TMEM132D: variants seen among roughly 807,000 people sequenced by gnomAD.
TMEM132D encodes mature OL transmembrane protein.
A neutral mutation model predicts 62.3 loss-of-function variants in TMEM132D; 21 were observed. The ratio of observed to expected loss-of-function variants is 0.34; its 90% confidence interval spans 0.24 to 0.49. TMEM132D has a LOEUF of 0.49. Ranked by LOEUF, TMEM132D falls within the 20% of genes least tolerant of loss-of-function variation. The probability of loss-of-function intolerance (pLI) is 0.99; values close to 1 mark genes in which losing one functional copy is unlikely to be tolerated. For missense variants in TMEM132D, 1,346 were observed against 1,402.8 expected (o/e 0.96, Z 0.65); for synonymous variants, 621 against 575.6 (o/e 1.08, Z -1.13).
intron 2 of TMEM132D, among the ~76,000 whole-genome samples, chr12:129,531,831 C>T (rs2137089935): frequency 6.6e-6 from 1 of 152,268 alleles, no homozygotes; most frequent in Middle Eastern, 3.4e-3. Context: ...CTTTCCATTC[C>T]ATATGTTCTT....
At chr12:129,780,966 T>C (rs1871102690) in intron 1 of TMEM132D, among the ~76,000 whole-genome samples, 1 of 152,092 alleles carries the variant, frequency 6.6e-6, no homozygotes, top group Non-Finnish European at 1.5e-5. Flanking sequence ...AATCCATAAA[T>C]GAGAGGATGA....
At chr12:129,617,678 C>T (rs530489388) in intron 2 of TMEM132D, among the ~76,000 whole-genome samples, 5 of 152,242 alleles carry the variant, frequency 3.3e-5, no homozygotes, top group Admixed American at 3.3e-4. Flanking sequence ...TCAACGGTGC[C>T]TCACACCAGA....
At chr12:129,548,427 C>T (rs542389078) in intron 2 of TMEM132D, among the ~76,000 whole-genome samples, 14 of 152,282 alleles carry the variant, frequency 9.2e-5, no homozygotes, top group South Asian at 6.2e-4. Context: ...CTAGGTCTCC[C>T]TTATGGTCTA....
intron 5 of TMEM132D, among the ~76,000 whole-genome samples, chr12:129,137,757 G>T (rs758489542): frequency 6.6e-6 from 1 of 152,196 alleles, no homozygotes; most frequent in Non-Finnish European, 1.5e-5. Context: ...TTGCAACCAT[G>T]AGGCAACAGA....
At chr12:129,329,046 A>ATG (rs2135649687) in intron 4 of TMEM132D, among the ~76,000 whole-genome samples, 1 of 149,518 alleles carries the variant, frequency 6.7e-6, no homozygotes, top group East Asian at 1.9e-4. Flanking sequence ...ATATATATAT[A>ATG]TAAAGAATAT....
intron 5 of TMEM132D, among the ~76,000 whole-genome samples, chr12:129,178,235 T>A (rs899212195): frequency 2.6e-5 from 4 of 152,334 alleles, no homozygotes; most frequent in Admixed American, 1.3e-4. Flanking sequence ...TGAACATACA[T>A]GTGCATGTAT....
At chr12:129,158,741 T>C (rs1019494983) in intron 5 of TMEM132D, among the ~76,000 whole-genome samples, 2 of 152,166 alleles carry the variant, frequency 1.3e-5, no homozygotes, top group African/African-American at 2.4e-5. Flanking sequence ...GAAGAGGCAG[T>C]GATCAACGGT....
chr12:129,244,085 C>A (rs1359746606), intron 4 of TMEM132D, among the ~76,000 whole-genome samples: 14 of 151,976 alleles, frequency 9.2e-5, no homozygotes, highest in Admixed American at 8.5e-4. Flanking sequence ...AGCCCATGAA[C>A]AATGAAAAAA....
Position 129,903,604 on chromosome 12 carries a change from A to T in TMEM132D, c.-265T>A. The T allele has an allele frequency of 1.0e-5, 5 of 497,076 alleles. No homozygotes were observed. The highest frequency in any genetic ancestry group is 1.0e-4 in the East Asian group (3 of 30,066). The allele number at this position is 497,076 out of a possible 1,614,324, so 30.8% of individuals were successfully genotyped here. On this transcript the variant is annotated 5_prime_UTR_variant, in exon 1 of 9. Coordinates refer to ENST00000422113, the MANE Select transcript of TMEM132D (RefSeq NM_133448.3). This position sits in a 1 kb window ranked among gnomAD's most constrained non-coding sequence, Gnocchi z 6.2. ...ACCTCCCTCCTTCGACCCCAACAGA[A>T]TTTTTTTTAAATTTTAATCCACAGG... is the stretch of plus-strand genomic sequence containing the variant.
At chr12:129,774,774 A>C (rs183083755) in intron 1 of TMEM132D, among the ~76,000 whole-genome samples, 1 of 152,170 alleles carries the variant, frequency 6.6e-6, no homozygotes, top group Non-Finnish European at 1.5e-5. Flanking sequence ...AAATGAAGAC[A>C]CCATATGGCA....
intron 2 of TMEM132D, among the ~76,000 whole-genome samples, chr12:129,674,266 C>A (rs1006517703): frequency 1.3e-5 from 2 of 152,174 alleles, no homozygotes; most frequent in African/African-American, 2.4e-5. Context: ...AGATCTGAAT[C>A]GAAGCAGTCT....
At chr12:129,189,463 A>G (rs1397172443) in intron 5 of TMEM132D, among the ~76,000 whole-genome samples, 1 of 152,224 alleles carries the variant, frequency 6.6e-6, no homozygotes, top group South Asian at 2.1e-4. Context: ...TGAAGACTGC[A>G]CATGGTGAGG....
intron 5 of TMEM132D, among the ~76,000 whole-genome samples, chr12:129,182,777 G>A (rs1878104704): frequency 6.6e-6 from 1 of 152,238 alleles, no homozygotes; most frequent in African/African-American, 2.4e-5. Context: ...ACTAACACAA[G>A]GGAATTGGAT....
chr12:129,893,126 C>T (rs928877358), intron 1 of TMEM132D, among the ~76,000 whole-genome samples: 82 of 152,098 alleles, frequency 5.4e-4, no homozygotes, highest in Non-Finnish European at 8.8e-4. Flanking sequence ...CCGCCTGCCT[C>T]GGCCTCCCAA....
At chr12:129,665,960 C>G (rs1339386503) in intron 2 of TMEM132D, among the ~76,000 whole-genome samples, 2 of 152,016 alleles carry the variant, frequency 1.3e-5, no homozygotes, top group Non-Finnish European at 2.9e-5. Flanking sequence ...TATTTTTTCT[C>G]TTCTTATGTG....
chr12:129,102,960 A>C (rs901322399), intron 5 of TMEM132D, among the ~76,000 whole-genome samples: 1 of 152,166 alleles, frequency 6.6e-6, no homozygotes, highest in Non-Finnish European at 1.5e-5. Context: ...GGGGAACAAC[A>C]ATTATTGAAT....
chr12:129,183,472 G>A (rs974911487), intron 5 of TMEM132D, among the ~76,000 whole-genome samples: 2 of 152,204 alleles, frequency 1.3e-5, no homozygotes, highest in East Asian at 1.9e-4. Flanking sequence ...TGCAGCCCAG[G>A]CGTATTTCCT....
chr12:129,751,713 C>T (rs1162395635), intron 1 of TMEM132D, among the ~76,000 whole-genome samples: 1 of 152,198 alleles, frequency 6.6e-6, no homozygotes, highest in Non-Finnish European at 1.5e-5. Context: ...GTGCATTAAA[C>T]ATGGATTGTC....
intron 2 of TMEM132D, among the ~76,000 whole-genome samples, chr12:129,570,347 A>C (rs1035617780): frequency 6.6e-6 from 1 of 152,244 alleles, no homozygotes; most frequent in Non-Finnish European, 1.5e-5. Flanking sequence ...TGGTGCCACA[A>C]GGACATCTAC....
Sources: gnomAD v4.1 joint callset for allele counts (sites outside exome capture counted in the v4.1 genomes callset) on GRCh38, gnomAD v4.1.1 for gene constraint, Gnocchi (gnomAD v3.1) non-coding constraint, MANE v1.5 for transcripts, NCBI Gene and HGNC (gene_info 2026-07-23, HGNC 2026-07-21) for gene names.